Variants in TACR1 observed in about 807,000 individuals in gnomAD.
TACR1 encodes the protein substance-P receptor.
In TACR1, 25 loss-of-function variants were observed where a neutral mutation model predicts 35.8. That is an observed-to-expected ratio of 0.70 (90% CI 0.51 to 0.98). TACR1 has a LOEUF of 0.98. TACR1 is among the 50% of genes least tolerant of loss of function. The pLI, the probability that TACR1 is intolerant of heterozygous loss-of-function variation, is 0.00. For synonymous variants in TACR1, 195 were observed against 206.7 expected, an observed-to-expected ratio of 0.94 and a Z score of 0.48; for missense variants, 478 against 522.9, an observed-to-expected ratio of 0.91 and a Z score of 0.84.
chr2:75,148,752 T>G (rs1480225181), intron 1 of TACR1, among the ~76,000 whole-genome samples: 3 of 152,196 alleles, frequency 2.0e-5, no homozygotes, highest in Non-Finnish European at 4.4e-5. Flanking sequence ...AATTGCAGCT[T>G]TGGTTGCAAT....
At chr2:75,172,465 C>T (rs2058861) in intron 1 of TACR1, among the ~76,000 whole-genome samples, 78,454 of 151,874 alleles carry the variant, frequency 0.52, 20,911 homozygotes, top group Non-Finnish European at 0.56. Flanking sequence ...CTTTTCTTTT[C>T]GGGCTGTCCC....
chr2:75,048,766 T>A lies in TACR1; in HGVS notation c.*666A>T, dbSNP rs1672407356. On this transcript the variant is annotated 3_prime_UTR_variant, in exon 5 of 5. Coordinates refer to ENST00000305249, the MANE Select transcript of TACR1 (RefSeq NM_001058.4). Reference sequence around the variant, plus strand: ...TGGTCTGTAAGAGAACTAGCAGGTATCAGTGGACATATTCTGCTTGCGTCG... The same window carrying A: ...TGGTCTGTAAGAGAACTAGCAGGTAACAGTGGACATATTCTGCTTGCGTCG... 1 of 152,198 alleles carries A rather than the reference T, an allele frequency of 6.6e-6. No homozygotes were observed. Among genetic ancestry groups the A allele is most frequent in the East Asian group, 1.9e-4 (1 of 5,188 alleles). The allele number at this position is 152,198 out of a possible 1,614,324, so 9.4% of individuals were successfully genotyped here.
At chr2:75,078,246 T>C (rs1472751158) in intron 2 of TACR1, among the ~76,000 whole-genome samples, 2 of 152,086 alleles carry the variant, frequency 1.3e-5, no homozygotes, top group East Asian at 3.8e-4. Flanking sequence ...CAGATTCTAT[T>C]TGGGCTCTTG....
chr2:75,173,925 C>T (rs536260931), intron 1 of TACR1, among the ~76,000 whole-genome samples: 19 of 152,324 alleles, frequency 1.2e-4, no homozygotes, highest in African/African-American at 4.6e-4. Context: ...TTGGCCTTCC[C>T]AGAGGACAGA....
chr2:75,120,525 G>A (rs766277099), intron 2 of TACR1, 49 bp downstream of exon 2: 1 of 1,507,944 alleles, frequency 6.6e-7, no homozygotes. Context: ...GGGCCAGGAA[G>A]GCAGCCTGCA....
chr2:75,164,195 C>T (rs559907675), intron 1 of TACR1, among the ~76,000 whole-genome samples: 64 of 151,856 alleles, frequency 4.2e-4, no homozygotes, highest in African/African-American at 6.0e-4. Context: ...GGCGTGGTGG[C>T]GGGCACCTGT....
intron 1 of TACR1, 114 bp downstream of exon 1, chr2:75,198,432 C>T (rs1015475324): frequency 1.1e-5 from 14 of 1,259,086 alleles, no homozygotes; most frequent in African/African-American, 1.5e-5. Context: ...GTAAAAAAAC[C>T]CTCAGAGTGG....
rs1299559638 is a variant in TACR1, at chr2:75,157,165, A to C, written c.390-36397T>G. 7.2e-5 allele frequency among the ~76,000 whole-genome samples: 11 copies of C among 152,088 alleles called. No individual in the cohort carries two copies. The East Asian group carries it at 2.1e-3, about 29-fold the overall frequency. On this transcript the variant is annotated intron_variant, in intron 1 of 4. Coordinates refer to ENST00000305249, the MANE Select transcript of TACR1 (RefSeq NM_001058.4). ...CAGGGCAGGGGTTGGGGGATTGATA[A>C]GGAGGAGGATGAAGAAGGAAAGGCA...
chr2:75,059,682 C>A (rs1672633983), intron 2 of TACR1, among the ~76,000 whole-genome samples: 1 of 152,208 alleles, frequency 6.6e-6, no homozygotes, highest in South Asian at 2.1e-4. Flanking sequence ...CACAAACAAA[C>A]CTGAATCTGC....
At chr2:75,137,598 G>A (rs552188111) in intron 1 of TACR1, among the ~76,000 whole-genome samples, 20 of 151,526 alleles carry the variant, frequency 1.3e-4, no homozygotes, top group African/African-American at 2.2e-4. Flanking sequence ...GCGTGGTGGC[G>A]GGCGACTGTA....
At chr2:75,131,198 C>A (rs1674170635) in intron 1 of TACR1, among the ~76,000 whole-genome samples, 1 of 151,980 alleles carries the variant, frequency 6.6e-6, no homozygotes, top group Admixed American at 6.6e-5. Flanking sequence ...ACGTCATTCT[C>A]CTGTCTCAGC....
At chr2:75,084,476 T>C (rs994161730) in intron 2 of TACR1, among the ~76,000 whole-genome samples, 15 of 152,222 alleles carry the variant, frequency 9.9e-5, no homozygotes, top group African/African-American at 2.9e-4. Flanking sequence ...CTTTTTCTAT[T>C]GTTTGGAATA....
intron 1 of TACR1, among the ~76,000 whole-genome samples, chr2:75,144,954 G>T (rs1255261782): frequency 6.6e-6 from 1 of 151,958 alleles, no homozygotes; most frequent in African/African-American, 2.4e-5. Flanking sequence ...ATGAGGGGTA[G>T]GTTTAGGAGA....
At chr2:75,090,413 C>T (rs1001084769) in intron 2 of TACR1, among the ~76,000 whole-genome samples, 5 of 152,164 alleles carry the variant, frequency 3.3e-5, no homozygotes, top group African/African-American at 1.2e-4. Context: ...GGACTTTAAA[C>T]ATTTCACAGC....
chr2:75,146,796 A>G (rs1238547375), intron 1 of TACR1, among the ~76,000 whole-genome samples: 2 of 152,274 alleles, frequency 1.3e-5, no homozygotes, highest in East Asian at 3.9e-4. Flanking sequence ...TAAACTATAA[A>G]CCACTATACA....
chr2:75,196,955 G>A (rs1572996715), intron 1 of TACR1, among the ~76,000 whole-genome samples: 1 of 152,124 alleles, frequency 6.6e-6, no homozygotes, highest in African/African-American at 2.4e-5. Context: ...TCATGCTATC[G>A]ACTTTTTTAA....
At chr2:75,109,282 G>A (rs1201629967) in intron 2 of TACR1, among the ~76,000 whole-genome samples, 1 of 152,120 alleles carries the variant, frequency 6.6e-6, no homozygotes, top group South Asian at 2.1e-4. Context: ...GACTAATGAG[G>A]GAGAGGGCAG....
chr2:75,175,420 A>C (rs1037255071), intron 1 of TACR1, among the ~76,000 whole-genome samples: 5 of 152,180 alleles, frequency 3.3e-5, no homozygotes, highest in African/African-American at 1.2e-4. Flanking sequence ...AAACGACACA[A>C]ATTTCTTCAC....
chr2:75,051,012 A>G (rs1388205315), intron 4 of TACR1: 1 of 552,546 alleles, frequency 1.8e-6, no homozygotes, highest in Middle Eastern at 4.9e-4. Flanking sequence ...ACTTTGGACA[A>G]TAATATGGAT....
Sources: gnomAD v4.1 joint callset for allele counts (sites outside exome capture counted in the v4.1 genomes callset) on GRCh38, gnomAD v4.1.1 for gene constraint, MANE v1.5 for transcripts, NCBI Gene and HGNC (gene_info 2026-07-23, HGNC 2026-07-21) for gene names.